TRIM14: variants seen among roughly 807,000 people sequenced by gnomAD.
The protein encoded by TRIM14 is tripartite motif-containing protein 14.
Under a neutral mutation model 44.5 loss-of-function variants are expected in TRIM14, and 28 were observed. The ratio of observed to expected loss-of-function variants is 0.63; its 90% CI spans 0.47 to 0.86. The LOEUF (loss-of-function observed/expected upper bound fraction) is 0.86. Ranked by LOEUF, TRIM14 falls within the 40% of genes least tolerant of loss-of-function variation. The probability of loss-of-function intolerance (pLI) is 0.00; values close to 1 mark genes in which losing one functional copy is unlikely to be tolerated. For synonymous variants in TRIM14, 299 were observed against 269.2 expected, an observed-to-expected ratio of 1.11 and a Z score of -1.08; for missense variants, 607 against 611.1, an observed-to-expected ratio of 0.99 and a Z score of 0.07.
intron 1 of TRIM14, among the ~76,000 whole-genome samples, chr9:98,112,027 T>C (rs1247724263): frequency 6.6e-6 from 1 of 152,120 alleles, no homozygotes; most frequent in Non-Finnish European, 1.5e-5. Context: ...GTCTGAATCA[T>C]TTATATGGTA....
the TRIM14 span, among the ~76,000 whole-genome samples, chr9:98,055,162 G>A: frequency 6.6e-6 from 1 of 152,138 alleles, no homozygotes; most frequent in African/African-American, 2.4e-5. Flanking sequence ...TGGGATTACA[G>A]GCATGCACCA....
At chr9:98,056,771 C>G in the TRIM14 span, 3 of 1,604,040 alleles carry the variant, frequency 1.9e-6, no homozygotes, top group African/African-American at 4.0e-5. Context: ...CGGCCGGACC[C>G]AGACTGGTAG....
chr9:98,049,694 C>T, the TRIM14 span, among the ~76,000 whole-genome samples: 1 of 152,146 alleles, frequency 6.6e-6, no homozygotes, highest in African/African-American at 2.4e-5. Flanking sequence ...TGGCTGACTT[C>T]TTTACCACTA....
the TRIM14 span, among the ~76,000 whole-genome samples, chr9:98,049,590 T>C: frequency 6.6e-6 from 1 of 152,124 alleles, no homozygotes; most frequent in East Asian, 1.9e-4. Context: ...GATGGGAGTG[T>C]CTTTTAGCAT....
chr9:98,045,417 C>T, the TRIM14 span, among the ~76,000 whole-genome samples: 1 of 152,174 alleles, frequency 6.6e-6, no homozygotes, highest in Non-Finnish European at 1.5e-5. Flanking sequence ...TATAAACAAA[C>T]CATGGCCCAC....
chr9:98,087,168 G>A lies in TRIM14; in HGVS notation c.*302C>T, dbSNP rs1277160879. On this transcript the variant is annotated 3_prime_UTR_variant, in exon 6 of 6. Transcript: ENST00000341469. ...CTGCGGATGATGTATTCAGGATGCT[G>A]AGGGCTTACCTGTGGGGGTATCACT... is the stretch of plus-strand genomic sequence containing the variant. 1.5e-6 allele frequency: 1 copy of A among 671,476 alleles called. No homozygotes were observed. Among genetic ancestry groups the A allele is most frequent in the Admixed American group, 1.9e-5 (1 of 52,594 alleles). The allele number at this position is 671,476 out of a possible 1,614,324, so 41.6% of individuals were successfully genotyped here.
the TRIM14 span, among the ~76,000 whole-genome samples, chr9:98,048,618 T>A: frequency 6.6e-6 from 1 of 152,182 alleles, no homozygotes; most frequent in Non-Finnish European, 1.5e-5. Flanking sequence ...ATTTTGAAGA[T>A]TATTGGTAAA....
intron 4 of TRIM14, among the ~76,000 whole-genome samples, chr9:98,092,919 G>T (rs1826051454): frequency 6.6e-6 from 1 of 152,174 alleles, no homozygotes; most frequent in African/African-American, 2.4e-5. Context: ...CCGGATTCAT[G>T]AATCGTTCAT....
downstream of TRIM14, among the ~76,000 whole-genome samples, chr9:98,067,501 T>C (rs895994866): frequency 6.6e-6 from 1 of 152,218 alleles, no homozygotes; most frequent in Non-Finnish European, 1.5e-5. Flanking sequence ...TCTTTTCATG[T>C]GTCTGTTGGT....
chr9:98,076,992 T>A lies in TRIM14; in HGVS notation c.*29-7305A>T, dbSNP rs1483181646. Reference sequence around the variant, plus strand: ...GATCTGGAGACACTAATAATTTTCCTTATCTGGAAAAGACAGCCAAAAAAG... The same window carrying A: ...GATCTGGAGACACTAATAATTTTCCATATCTGGAAAAGACAGCCAAAAAAG... On this transcript the variant is annotated intron_variant, in intron 6 of 6. Transcript: ENST00000375098. 2 of 1,610,444 alleles carry A rather than the reference T, an allele frequency of 1.2e-6. No individual in the cohort carries two copies. The highest frequency in any genetic ancestry group is 2.7e-5 in the African/African-American group (2 of 74,792).
intron 1 of TRIM14, among the ~76,000 whole-genome samples, chr9:98,115,608 T>C (rs962182354): frequency 3.3e-5 from 5 of 151,970 alleles, no homozygotes; most frequent in Admixed American, 6.6e-5. Flanking sequence ...GATCTCCAAC[T>C]CCTGACCTCA....
At chr9:98,038,768 C>T in the TRIM14 span, among the ~76,000 whole-genome samples, 38,175 of 151,988 alleles carry the variant, frequency 0.25, 5,190 homozygotes, top group Non-Finnish European at 0.3. Context: ...ACCTGAGACA[C>T]GGCCAGGTGT....
chr9:98,047,260 T>C, the TRIM14 span, among the ~76,000 whole-genome samples: 124,509 of 151,728 alleles, frequency 0.82, 51,552 homozygotes, highest in African/African-American at 0.93. Flanking sequence ...ACGTGCCTTT[T>C]GCCTTTCACC....
At chr9:98,109,386 T>C (rs888540317) in intron 2 of TRIM14, among the ~76,000 whole-genome samples, 3 of 152,216 alleles carry the variant, frequency 2.0e-5, no homozygotes, top group South Asian at 2.1e-4. Context: ...AATGGTTACT[T>C]AGAATAACAT....
intron 2 of TRIM14, among the ~76,000 whole-genome samples, chr9:98,102,007 C>CA (rs998993291): frequency 0.031 from 1,803 of 57,254 alleles, 18 homozygotes; most frequent in Middle Eastern, 0.061. Context: ...GACTTTGACT[C>CA]AAAAAAAAAA....
chr9:98,045,935 A>C, the TRIM14 span, among the ~76,000 whole-genome samples: 4 of 152,172 alleles, frequency 2.6e-5, no homozygotes, highest in Non-Finnish European at 5.9e-5. Context: ...GGGTTTGGAA[A>C]TCACAACAGA....
At chr9:98,073,307 C>T (rs1281525079) in intron 6 of TRIM14, among the ~76,000 whole-genome samples, 3 of 91,120 alleles carry the variant, frequency 3.3e-5, no homozygotes, top group Non-Finnish European at 6.1e-5. Context: ...TTTTTTGAGA[C>T]GGAGTCTTGC....
intron 2 of TRIM14, among the ~76,000 whole-genome samples, chr9:98,102,178 AC>A (rs1236739879): frequency 1.3e-5 from 2 of 152,142 alleles, no homozygotes; most frequent in African/African-American, 4.8e-5. Context: ...GTCCACCTGC[AC>A]CCAGGCATCC....
the TRIM14 span, among the ~76,000 whole-genome samples, chr9:98,058,610 A>G: frequency 1.3e-5 from 2 of 152,336 alleles, no homozygotes; most frequent in East Asian, 3.9e-4. Context: ...AGAAATATCT[A>G]GAGATACTGA....
Sources: gnomAD v4.1 joint callset for allele counts (sites outside exome capture counted in the v4.1 genomes callset) on GRCh38, gnomAD v4.1.1 for gene constraint, MANE v1.5 for transcripts, NCBI Gene and HGNC (gene_info 2026-07-23, HGNC 2026-07-21) for gene names.